The following PHF24 variants were observed in gnomAD, a reference collection of about 807,000 sequenced individuals.
The protein encoded by PHF24 is Galpha inhibitory interacting protein.
In PHF24, 25 loss-of-function variants were observed where a neutral mutation model predicts 42.6. That is an observed-to-expected ratio of 0.59 (90% CI 0.43 to 0.82). The LOEUF is 0.82. Among genes scored for constraint, PHF24 ranks in the 40% least tolerant of loss-of-function variants. PHF24 has a pLI of 0.00. For missense variants in PHF24, 470 were observed against 538.1 expected (o/e 0.87, Z 1.25); for synonymous variants, 185 against 204.8 (o/e 0.90, Z 0.83).
chr9:34,942,940 G>A, the PHF24 span, among the ~76,000 whole-genome samples: 2 of 151,916 alleles, frequency 1.3e-5, no homozygotes, highest in Non-Finnish European at 2.9e-5. Flanking sequence ...CATGGTACAT[G>A]TATACCTATG....
At chr9:34,932,021 AGTGACTAT>A in the PHF24 span, among the ~76,000 whole-genome samples, 1 of 152,152 alleles carries the variant, frequency 6.6e-6, no homozygotes, top group Non-Finnish European at 1.5e-5. Flanking sequence ...TGGGGTAAGG[AGTGACTAT>A]TTTCCCATGA....
At chr9:34,913,532 A>G in the PHF24 span, among the ~76,000 whole-genome samples, 1,717 of 152,332 alleles carry the variant, frequency 0.011, 26 homozygotes, top group African/African-American at 0.039. Flanking sequence ...TATTATCCAT[A>G]AACTTCAGAA....
the PHF24 span, among the ~76,000 whole-genome samples, chr9:34,879,787 T>A: frequency 6.6e-6 from 1 of 152,128 alleles, no homozygotes; most frequent in South Asian, 2.1e-4. Flanking sequence ...CAGGATATTA[T>A]CCAGGAGAAC....
At chr9:34,908,601 C>A in the PHF24 span, among the ~76,000 whole-genome samples, 2 of 152,022 alleles carry the variant, frequency 1.3e-5, no homozygotes, top group Non-Finnish European at 2.9e-5. Flanking sequence ...GATAAGGGAG[C>A]AACTCATGCA....
chr9:34,806,524 T>A, the PHF24 span, among the ~76,000 whole-genome samples: 1 of 152,184 alleles, frequency 6.6e-6, no homozygotes, highest in Non-Finnish European at 1.5e-5. Context: ...AGTGGCACGA[T>A]CTCGGCTCAC....
intron 1 of PHF24, among the ~76,000 whole-genome samples, chr9:34,963,603 G>A (rs1383421365): frequency 6.6e-6 from 1 of 152,140 alleles, no homozygotes; most frequent in Non-Finnish European, 1.5e-5. Context: ...CCTCCTGTGG[G>A]CCTCACCATA....
the PHF24 span, chr9:34,835,494 G>A: frequency 4.5e-5 from 70 of 1,551,800 alleles, no homozygotes; most frequent in Middle Eastern, 1.7e-4. Flanking sequence ...GGATGCATCC[G>A]GTTCAGGGTT....
At chr9:34,817,819 G>C in the PHF24 span, among the ~76,000 whole-genome samples, 1 of 152,106 alleles carries the variant, frequency 6.6e-6, no homozygotes, top group Non-Finnish European at 1.5e-5. Flanking sequence ...TTAAAAGTGA[G>C]AATATGCAAT....
chr9:34,697,553 CA>C, the PHF24 span, among the ~76,000 whole-genome samples: 2 of 152,312 alleles, frequency 1.3e-5, no homozygotes, highest in South Asian at 4.1e-4. Flanking sequence ...CTCCTGACCT[CA>C]GCCGATCCAC....
the PHF24 span, among the ~76,000 whole-genome samples, chr9:34,721,804 G>T: frequency 6.6e-6 from 1 of 152,150 alleles, no homozygotes; most frequent in African/African-American, 2.4e-5. Flanking sequence ...TCTCTGTGTG[G>T]CTAAATCTAA....
intron 1 of PHF24, among the ~76,000 whole-genome samples, chr9:34,969,993 G>T (rs1473213755): frequency 2.0e-5 from 3 of 152,252 alleles, no homozygotes; most frequent in Non-Finnish European, 2.9e-5. Context: ...TGACTTCTTT[G>T]GTTTCTAATA....
chr9:34,689,521 C>A, the PHF24 span: 2 of 353,176 alleles, frequency 5.7e-6, no homozygotes, highest in Non-Finnish European at 5.1e-6. The surrounding 1 kb of genome is among the most constrained non-coding windows in gnomAD (Gnocchi z 4.1). Context: ...GCTAGTTAAG[C>A]AGTAGGAGTG....
chr9:34,939,304 G>A, the PHF24 span, among the ~76,000 whole-genome samples: 2 of 152,102 alleles, frequency 1.3e-5, no homozygotes, highest in African/African-American at 4.8e-5. Flanking sequence ...ATAAAATAAT[G>A]GGTAAATTTA....
At chr9:34,838,797 G>C in the PHF24 span, among the ~76,000 whole-genome samples, 69,711 of 151,986 alleles carry the variant, frequency 0.46, 16,910 homozygotes, top group East Asian at 0.67. Context: ...TCTCGGCTCT[G>C]TCCTTCACAA....
the PHF24 span, among the ~76,000 whole-genome samples, chr9:34,836,610 C>A: frequency 6.6e-6 from 1 of 152,150 alleles, no homozygotes; most frequent in Non-Finnish European, 1.5e-5. Flanking sequence ...TGATAGGCTC[C>A]TGTCTTAGGG....
chr9:34,672,766 A>AT, the PHF24 span, among the ~76,000 whole-genome samples: 1 of 152,110 alleles, frequency 6.6e-6, no homozygotes, highest in African/African-American at 2.4e-5. Context: ...ACCTTTCAAT[A>AT]TTGCTACATT....
the PHF24 span, among the ~76,000 whole-genome samples, chr9:34,925,152 T>A: frequency 6.6e-6 from 1 of 152,234 alleles, no homozygotes; most frequent in African/African-American, 2.4e-5. Flanking sequence ...AGGATTTTTT[T>A]ATTTCAGTAT....
the PHF24 span, among the ~76,000 whole-genome samples, chr9:34,792,031 G>A: frequency 6.6e-6 from 1 of 152,208 alleles, no homozygotes; most frequent in Non-Finnish European, 1.5e-5. Flanking sequence ...TTTACAGCAT[G>A]TTTGTGTGCT....
chr9:34,858,009 T>TA, the PHF24 span, among the ~76,000 whole-genome samples: 22 of 150,196 alleles, frequency 1.5e-4, no homozygotes, highest in African/African-American at 4.4e-4. Flanking sequence ...TGAGCTTCCT[T>TA]AAAAAACAAT....
Sources: gnomAD v4.1 joint callset for allele counts (sites outside exome capture counted in the v4.1 genomes callset) on GRCh38, gnomAD v4.1.1 for gene constraint, Gnocchi (gnomAD v3.1) non-coding constraint, MANE v1.5 for transcripts, NCBI Gene and HGNC (gene_info 2026-07-23, HGNC 2026-07-21) for gene names.